Variants in CNTN5 observed in about 807,000 individuals in gnomAD.
CNTN5 encodes the protein contactin-5.
In CNTN5, 77 loss-of-function variants were observed where a neutral mutation model predicts 129.1. That is an observed-to-expected ratio of 0.60 (90% CI 0.50 to 0.72). CNTN5 has a LOEUF of 0.72. Among genes scored for constraint, CNTN5 ranks in the 30% least tolerant of loss-of-function variants. The pLI is 0.00. For missense variants in CNTN5, 1,478 were observed against 1,328.8 expected (o/e 1.11, Z -1.75); for synonymous variants, 509 against 465.6 (o/e 1.09, Z -1.20).
chr11:99,935,660 T>A (rs1420701494), intron 7 of CNTN5, among the ~76,000 whole-genome samples: 2 of 152,108 alleles, frequency 1.3e-5, no homozygotes, highest in Non-Finnish European at 2.9e-5. Flanking sequence ...GTGGTGGAAT[T>A]TCCTTGTGAG....
At chr11:99,114,678 T>A (rs1857958313) in intron 1 of CNTN5, among the ~76,000 whole-genome samples, 1 of 152,304 alleles carries the variant, frequency 6.6e-6, no homozygotes, top group Admixed American at 6.5e-5. Context: ...ATAGTAGTAA[T>A]CAATACATAG....
chr11:100,247,723 T>G (rs1949874702), intron 16 of CNTN5, among the ~76,000 whole-genome samples: 1 of 152,208 alleles, frequency 6.6e-6, no homozygotes, highest in African/African-American at 2.4e-5. Context: ...GGTGAATACA[T>G]CAGCTTTGCA....
At chr11:100,289,848 T>C (rs1316623843) in intron 18 of CNTN5, among the ~76,000 whole-genome samples, 1 of 150,194 alleles carries the variant, frequency 6.7e-6, no homozygotes, top group African/African-American at 2.5e-5. Context: ...CATGATTGTA[T>C]ATCTAGAAAA....
chr11:99,824,360 T>C (rs1427229506), intron 4 of CNTN5, among the ~76,000 whole-genome samples: 2 of 151,984 alleles, frequency 1.3e-5, no homozygotes, highest in Non-Finnish European at 1.5e-5. Flanking sequence ...TCTTGACTAG[T>C]GAGGTTGAAA....
At chr11:99,454,694 T>C (rs1944432458) in intron 2 of CNTN5, among the ~76,000 whole-genome samples, 2 of 152,202 alleles carry the variant, frequency 1.3e-5, no homozygotes, top group East Asian at 3.8e-4. Context: ...GACAATTCTT[T>C]ATAGCAGTGT....
chr11:99,789,606 A>G (rs1340776476), intron 3 of CNTN5, among the ~76,000 whole-genome samples: 1 of 151,988 alleles, frequency 6.6e-6, no homozygotes, highest in Non-Finnish European at 1.5e-5. Flanking sequence ...GGTTTGATAT[A>G]ATTCTTAAAA....
chr11:99,177,955 T>C (rs1857859243), intron 1 of CNTN5, among the ~76,000 whole-genome samples: 1 of 152,074 alleles, frequency 6.6e-6, no homozygotes, highest in African/African-American at 2.4e-5. Flanking sequence ...TGTAGAGAAC[T>C]ATATGAAAAC....
chr11:99,491,697 C>G (rs2135351435), intron 2 of CNTN5, among the ~76,000 whole-genome samples: 1 of 152,238 alleles, frequency 6.6e-6, no homozygotes. Flanking sequence ...TTTACCAGGC[C>G]AGTTATCTAA....
chr11:99,664,243 T>C (rs926794774), intron 3 of CNTN5, among the ~76,000 whole-genome samples: 4 of 152,212 alleles, frequency 2.6e-5, no homozygotes, highest in Non-Finnish European at 5.9e-5. Flanking sequence ...CCAGCTACAC[T>C]TAATAATTGC....
intron 18 of CNTN5, among the ~76,000 whole-genome samples, chr11:100,274,951 G>T (rs150887774): frequency 2.6e-5 from 4 of 152,096 alleles, no homozygotes; most frequent in Non-Finnish European, 4.4e-5. Flanking sequence ...CATGTCACAA[G>T]TTTACCTATG....
chr11:100,105,910 C>G (rs141371585), intron 13 of CNTN5, among the ~76,000 whole-genome samples: 1 of 152,126 alleles, frequency 6.6e-6, no homozygotes, highest in Non-Finnish European at 1.5e-5. Context: ...TCAAACAAGC[C>G]TTTCTCTCAT....
At chr11:99,623,711 G>A (rs1382603672) in intron 3 of CNTN5, among the ~76,000 whole-genome samples, 1 of 112,424 alleles carries the variant, frequency 8.9e-6, no homozygotes, top group South Asian at 2.9e-4. Flanking sequence ...AACAGTAGTG[G>A]AGAAAAAGAA....
chr11:99,725,303 T>A (rs540057883), intron 3 of CNTN5, among the ~76,000 whole-genome samples: 1 of 152,146 alleles, frequency 6.6e-6, no homozygotes, highest in Non-Finnish European at 1.5e-5. Flanking sequence ...GGATTTTTTG[T>A]TTTTGAAAGG....
chr11:100,073,328 T>A (rs548430058), intron 12 of CNTN5, among the ~76,000 whole-genome samples: 10 of 152,150 alleles, frequency 6.6e-5, no homozygotes, highest in Non-Finnish European at 1.2e-4. Context: ...ATTACAGATA[T>A]AAGCCACCAG....
At chr11:100,191,292 C>A in intron 14 of CNTN5, 39 bp downstream of exon 14, 1 of 1,564,026 alleles carries the variant, frequency 6.4e-7, no homozygotes, top group Non-Finnish European at 8.7e-7. Context: ...AGCATAGTCT[C>A]ATGGTCTTAT....
chr11:99,439,223 T>C (rs529335221), intron 2 of CNTN5, among the ~76,000 whole-genome samples: 1 of 152,040 alleles, frequency 6.6e-6, no homozygotes, highest in African/African-American at 2.4e-5. Flanking sequence ...GCACAGACTG[T>C]TGGAGGAGAG....
intron 1 of CNTN5, among the ~76,000 whole-genome samples, chr11:99,077,460 A>G (rs563686429): frequency 9.8e-5 from 15 of 152,304 alleles, no homozygotes; most frequent in African/African-American, 3.4e-4. Context: ...TTTGTATATT[A>G]TTTATTACAG....
intron 20 of CNTN5, among the ~76,000 whole-genome samples, chr11:100,307,986 T>C (rs1951391422): frequency 6.6e-6 from 1 of 151,568 alleles, no homozygotes; most frequent in South Asian, 2.1e-4. Flanking sequence ...TAAATAAATG[T>C]TTTAAGGCCA....
chr11:99,237,683 A>G (rs926997619), intron 1 of CNTN5, among the ~76,000 whole-genome samples: 7 of 150,724 alleles, frequency 4.6e-5, no homozygotes, highest in African/African-American at 1.7e-4. Flanking sequence ...CTGTCTCAAA[A>G]AGAAAAAAAA....
Sources: gnomAD v4.1 joint callset for allele counts (sites outside exome capture counted in the v4.1 genomes callset) on GRCh38, gnomAD v4.1.1 for gene constraint, MANE v1.5 for transcripts, NCBI Gene and HGNC (gene_info 2026-07-23, HGNC 2026-07-21) for gene names.